Variants in SPIRE1 observed in about 807,000 individuals in gnomAD.
SPIRE1 encodes the protein protein spire homolog 1.
SPIRE1 carries 40 observed loss-of-function variants against 94.1 expected under a neutral mutation model. The ratio of observed to expected loss-of-function variants is 0.43; its 90% CI spans 0.33 to 0.55. The LOEUF (loss-of-function observed/expected upper bound fraction) is 0.55. Among genes scored for constraint, SPIRE1 ranks in the 20% least tolerant of loss-of-function variants. The probability of loss-of-function intolerance (pLI) is 0.06; values close to 1 mark genes in which losing one functional copy is unlikely to be tolerated. For missense variants in SPIRE1, 838 were observed against 975.2 expected, an observed-to-expected ratio of 0.86 and a Z score of 1.87; for synonymous variants, 376 against 371.7, an observed-to-expected ratio of 1.01 and a Z score of -0.13.
At chr18:12,523,137 AAG>A (rs752641575) in intron 4 of SPIRE1, among the ~76,000 whole-genome samples, 3 of 152,220 alleles carry the variant, frequency 2.0e-5, no homozygotes, top group Non-Finnish European at 4.4e-5. Context: ...AGGAGTTTGA[AAG>A]AAGTTGATTC....
intron 10 of SPIRE1, among the ~76,000 whole-genome samples, chr18:12,476,314 G>A (rs1660262010): frequency 6.6e-6 from 1 of 151,834 alleles, no homozygotes; most frequent in African/African-American, 2.4e-5. Context: ...TGAGGCAGGT[G>A]GATCACTTGA....
upstream of SPIRE1, among the ~76,000 whole-genome samples, chr18:12,659,244 T>C (rs1363170385): frequency 1.4e-5 from 2 of 147,488 alleles, no homozygotes; most frequent in East Asian, 2.0e-4. Flanking sequence ...CTCTCAACAA[T>C]TGCATCTTGC....
rs533809510 is a variant in SPIRE1, at chr18:12,576,033, G to A, written c.373-29129C>T. On this transcript the variant is annotated intron_variant, in intron 2 of 16. Coordinates refer to ENST00000409402, the MANE Select transcript of SPIRE1 (RefSeq NM_001128626.2). ...AGCCTGACCAACATGGAGAAACCCC[G>A]TCTCTACTAAAAATACAAAATTAGC... 5.3e-5 allele frequency among the ~76,000 whole-genome samples: 8 copies of A among 151,986 alleles called. No individual in the cohort carries two copies. The East Asian group carries it at 7.8e-4, about 15-fold the overall frequency.
At chr18:12,571,901 T>C (rs2035968166) in intron 2 of SPIRE1, among the ~76,000 whole-genome samples, 2 of 152,198 alleles carry the variant, frequency 1.3e-5, no homozygotes, top group South Asian at 4.1e-4. Context: ...CTGACTCATA[T>C]AACCATGTTA....
rs112293260 is a variant in SPIRE1, at chr18:12,539,585, A to ACG, written c.604-3986_604-3985dup. On this transcript the variant is annotated intron_variant, in intron 3 of 16. Transcript: ENST00000409402. ...CCCTTAAACATACACATACACACAC[A>ACG]CGCACACACACACACACACACACAC... 2.7e-3 allele frequency among the ~76,000 whole-genome samples: 387 copies of ACG among 144,796 alleles called. 2 individuals are homozygous for ACG. The highest frequency in any genetic ancestry group is 9.7e-3 in the African/African-American group (369 of 37,914). The allele number at this position is 144,796 out of a possible 152,430, so 95.0% of individuals were successfully genotyped here.
At chr18:12,506,702 C>A in intron 5 of SPIRE1, 61 bp from the exon 6 acceptor site, 1 of 1,456,600 alleles carries the variant, frequency 6.9e-7, no homozygotes, top group Non-Finnish European at 9.5e-7. Flanking sequence ...TTCTAAACAG[C>A]TAGTCATACA....
chr18:12,469,681 A>G (rs2032267441), intron 10 of SPIRE1, among the ~76,000 whole-genome samples: 1 of 143,868 alleles, frequency 7.0e-6, no homozygotes, highest in Admixed American at 7.2e-5. Context: ...TATTATATAT[A>G]ACATATATAA....
At chr18:12,580,781 G>A (rs2036234698) in intron 2 of SPIRE1, among the ~76,000 whole-genome samples, 1 of 152,166 alleles carries the variant, frequency 6.6e-6, no homozygotes, top group Admixed American at 6.5e-5. Context: ...CAGGCATGGT[G>A]GCTCACGCCT....
Position 12,497,546 on chromosome 18 carries a change from C to T in SPIRE1, c.973-1444G>A, listed in dbSNP as rs368151420. 7.5e-4 allele frequency among the ~76,000 whole-genome samples: 114 copies of T among 152,200 alleles called. 2 individuals are homozygous for T. The East Asian group carries it at 0.019, about 25-fold the overall frequency. ...CTACTCAACATCCACTCTCCTCTTCCTCCCTATGCTAGTCCTCCCTCTCCC... is the reference window on the plus strand; with the variant it reads ...CTACTCAACATCCACTCTCCTCTTCTTCCCTATGCTAGTCCTCCCTCTCCC... On this transcript the variant is annotated intron_variant, in intron 6 of 16. Transcript: ENST00000409402.
intron 2 of SPIRE1, among the ~76,000 whole-genome samples, chr18:12,557,614 G>C (rs1240237558): frequency 6.6e-6 from 1 of 152,136 alleles, no homozygotes; most frequent in Non-Finnish European, 1.5e-5. Context: ...CAGGCTGAAG[G>C]GCTCCTCAAG....
At chr18:12,584,394 C>T (rs1251930776) in intron 2 of SPIRE1, among the ~76,000 whole-genome samples, 2 of 151,700 alleles carry the variant, frequency 1.3e-5, no homozygotes, top group Middle Eastern at 3.4e-3. Flanking sequence ...AGTACCACTG[C>T]ACTCCAGCCT....
At chr18:12,531,859 A>G (rs2034692665) in intron 4 of SPIRE1, among the ~76,000 whole-genome samples, 1 of 152,216 alleles carries the variant, frequency 6.6e-6, no homozygotes, top group Admixed American at 6.5e-5. Context: ...TTACAATTGA[A>G]ACTGCCCCCT....
chr18:12,657,486 G>A, intron 1 of SPIRE1, 44 bp downstream of exon 1: 8 of 1,217,198 alleles, frequency 6.6e-6, no homozygotes, highest in Middle Eastern at 2.8e-4. Flanking sequence ...GCCCAGCCGC[G>A]GGTGTTCCAA....
At chr18:12,615,152 C>T (rs1290692025) in intron 2 of SPIRE1, among the ~76,000 whole-genome samples, 2 of 150,456 alleles carry the variant, frequency 1.3e-5, no homozygotes, top group Non-Finnish European at 3.0e-5. Context: ...TGGTGGTTAA[C>T]CCCGTTTCTA....
chr18:12,496,251 G>A, intron 6 of SPIRE1, 149 bp from the exon 7 acceptor site: 1 of 574,578 alleles, frequency 1.7e-6, no homozygotes, highest in South Asian at 2.4e-5. Context: ...GGGAGTAAAT[G>A]GCTGAGTGAT....
At chr18:12,540,627 C>T (rs2034987737) in intron 3 of SPIRE1, among the ~76,000 whole-genome samples, 2 of 152,158 alleles carry the variant, frequency 1.3e-5, no homozygotes, top group African/African-American at 2.4e-5. Flanking sequence ...CTGTCCACCT[C>T]GGCCTCTCAA....
At chr18:12,517,192 A>G (rs2034222960) in intron 4 of SPIRE1, among the ~76,000 whole-genome samples, 1 of 152,278 alleles carries the variant, frequency 6.6e-6, no homozygotes, top group Non-Finnish European at 1.5e-5. Context: ...CATATTGAAC[A>G]TTCAGTAGGT....
chr18:12,478,787 G>T (rs1187272013), intron 10 of SPIRE1, among the ~76,000 whole-genome samples: 1 of 152,092 alleles, frequency 6.6e-6, no homozygotes, highest in Admixed American at 6.5e-5. Context: ...CGCAGATGGG[G>T]GCTTGAGATG....
Position 12,449,519 on chromosome 18 carries a change from T to C in SPIRE1, c.*119A>G. ...GGAACAATGTGATGCGGCAAAAATC[T>C]GATCTAATGCAAATTCAAGCCCATT... On this transcript the variant is annotated 3_prime_UTR_variant, in exon 17 of 17. Coordinates refer to ENST00000409402, the MANE Select transcript of SPIRE1 (RefSeq NM_001128626.2). 1 of 1,062,006 alleles carries C rather than the reference T, an allele frequency of 9.4e-7. No homozygotes were observed. Among genetic ancestry groups the C allele is most frequent in the Non-Finnish European group, 1.3e-6 (1 of 745,364 alleles). The allele number at this position is 1,062,006 out of a possible 1,614,324, so 65.8% of individuals were successfully genotyped here. A position where few individuals can be genotyped will look rare whatever the true frequency, so the allele number is the denominator to read the frequency against.
Sources: gnomAD v4.1 joint callset for allele counts (sites outside exome capture counted in the v4.1 genomes callset) on GRCh38, gnomAD v4.1.1 for gene constraint, MANE v1.5 for transcripts, NCBI Gene and HGNC (gene_info 2026-07-23, HGNC 2026-07-21) for gene names.